HOMER2: variants seen among roughly 807,000 people sequenced by gnomAD.
HOMER2 encodes homer protein homolog 2.
HOMER2 carries 27 observed loss-of-function variants against 47.0 expected under a neutral mutation model. That is an observed-to-expected ratio of 0.57 (90% CI 0.42 to 0.79). The LOEUF (loss-of-function observed/expected upper bound fraction) is 0.79, where lower values mean the gene tolerates loss of function less well. HOMER2 is among the 30% of genes least tolerant of loss of function. The pLI, the probability that HOMER2 is intolerant of heterozygous loss-of-function variation, is 0.00. For synonymous variants in HOMER2, 161 were observed against 163.8 expected (o/e 0.98, Z 0.13); for missense variants, 443 against 435.0 (o/e 1.02, Z -0.16).
intron 1 of HOMER2, among the ~76,000 whole-genome samples, chr15:82,981,214 C>T (rs1005485733): frequency 6.6e-6 from 1 of 152,184 alleles, no homozygotes; most frequent in Non-Finnish European, 1.5e-5. Context: ...ATCAGCTGTG[C>T]CCCTGGATAA....
At chr15:82,860,435 C>A (rs988805583) in intron 4 of HOMER2, among the ~76,000 whole-genome samples, 1 of 151,984 alleles carries the variant, frequency 6.6e-6, no homozygotes, top group African/African-American at 2.4e-5. Context: ...ACTGTTAAAG[C>A]TGACCTATGG....
intron 1 of HOMER2, among the ~76,000 whole-genome samples, chr15:82,938,776 C>T (rs2054196848): frequency 6.6e-6 from 1 of 152,176 alleles, no homozygotes; most frequent in African/African-American, 2.4e-5. Context: ...AGTGCCCTAA[C>T]ACTCCCACTC....
rs147448090 is a variant in HOMER2 at position 82,971,415 on chromosome 15, T to TACAC, written n.83-12111_83-12108dup. Among the ~76,000 whole-genome samples, 519 of 148,406 alleles carry TACAC rather than the reference T, an allele frequency of 3.5e-3. 3 individuals are homozygous for TACAC. The highest frequency in any genetic ancestry group is 0.012 in the African/African-American group (471 of 40,632). The stretch of plus-strand genomic sequence containing the variant: ...AGAGAGAGCAAGAGAGACAGATACA[T>TACAC]ACACACACACACACACACACAGACA... On this transcript the variant is annotated intron_variant and non_coding_transcript_variant, in intron 1 of 1. Transcript: ENST00000500334.
intron 3 of HOMER2, among the ~76,000 whole-genome samples, chr15:82,868,543 T>TATATATA (rs1567023464): frequency 0.083 from 3,043 of 36,626 alleles, 121 homozygotes; most frequent in East Asian, 0.19. Flanking sequence ...ATATATATAT[T>TATATATA]TTTTTTTTTT....
At chr15:82,977,801 T>C (rs2030257896) in intron 1 of HOMER2, among the ~76,000 whole-genome samples, 1 of 152,126 alleles carries the variant, frequency 6.6e-6, no homozygotes, top group South Asian at 2.1e-4. Context: ...AGTCTTTATA[T>C]ATGGTTGAAT....
rs1337389433 is a variant in HOMER2, at chr15:82,952,522, C to T, written c.5+9G>A. 8.4e-7 allele frequency: 1 copy of T among 1,188,556 alleles called. No individual in the cohort carries two copies. Among genetic ancestry groups the T allele is most frequent in the Non-Finnish European group, 1.0e-6 (1 of 959,696 alleles). 73.6% of individuals were successfully genotyped at this position (1,188,556 alleles called of 1,614,324 possible). On this transcript the variant is annotated intron_variant, in intron 1 of 8. Transcript: ENST00000450735. ...GCGCGCGGAGAGCGCGCGGCGCGGG[C>T]TCACTCACCCCATCTCCGGCGCTGC...
At chr15:82,905,873 G>A (rs1567045604) in intron 1 of HOMER2, among the ~76,000 whole-genome samples, 1 of 152,178 alleles carries the variant, frequency 6.6e-6, no homozygotes. Flanking sequence ...CATAAAAAAA[G>A]AGCATCAGAG....
chr15:82,872,611 C>A (rs112762880), intron 3 of HOMER2, among the ~76,000 whole-genome samples: 2 of 152,204 alleles, frequency 1.3e-5, no homozygotes, highest in African/African-American at 4.8e-5. Flanking sequence ...ACCTTAGCAG[C>A]CTTACCCACC....
In HOMER2 at chr15:82,854,697, A is replaced by G. The variant is rs765272397; in HGVS notation, c.598T>C (p.Trp200Arg). 9 of 1,613,082 alleles carry G rather than the reference A, an allele frequency of 5.6e-6. No homozygotes were observed. The highest frequency in any genetic ancestry group is 7.6e-6 in the Non-Finnish European group (9 of 1,179,876). ...LQESAASVEQ[W>R]KRQFSICRDE... ...CGGCAGATGGAGAACTGCCTCTTCC[A>G]CTGCTCCACACTGGCTGCCGACTCC... is the stretch of plus-strand genomic sequence containing the variant. Residue 200 changes from tryptophan to arginine, a missense_variant, in exon 6 of 9, where the codon TGG becomes CGG. Physicochemically the swap from Trp to Arg is moderately radical, Grantham distance 101. Transcript: ENST00000450735.
chr15:82,933,979 A>G (rs2054079157), intron 1 of HOMER2, among the ~76,000 whole-genome samples: 1 of 152,036 alleles, frequency 6.6e-6, no homozygotes, highest in Admixed American at 6.6e-5. Flanking sequence ...CCCAAATCTG[A>G]GCCGGTCCTT....
At chr15:82,975,798 C>T (rs1181476297) in intron 1 of HOMER2, among the ~76,000 whole-genome samples, 1 of 152,134 alleles carries the variant, frequency 6.6e-6, no homozygotes, top group Admixed American at 6.6e-5. Flanking sequence ...TTTGATAGCA[C>T]AACAGAGTGA....
chr15:82,924,784 C>A (rs1182588558), intron 1 of HOMER2, among the ~76,000 whole-genome samples: 4 of 152,080 alleles, frequency 2.6e-5, no homozygotes, highest in African/African-American at 7.2e-5. Flanking sequence ...CTTGAGAAAT[C>A]GGCATCTATA....
chr15:82,951,937 T>G, intron 1 of HOMER2: 1 of 417,666 alleles, frequency 2.4e-6, no homozygotes, highest in East Asian at 1.6e-4. Context: ...TCAGAAGCAT[T>G]AGTCACTTCG....
At chr15:82,854,223 G>T (rs2051491186) in intron 6 of HOMER2, among the ~76,000 whole-genome samples, 1 of 152,068 alleles carries the variant, frequency 6.6e-6, no homozygotes, top group Admixed American at 6.6e-5. Flanking sequence ...TGGCCAACTT[G>T]GTGAAACCCT....
intron 1 of HOMER2, among the ~76,000 whole-genome samples, chr15:82,984,989 T>C (rs1461886819): frequency 6.6e-6 from 1 of 152,068 alleles, no homozygotes; most frequent in Admixed American, 6.6e-5. Context: ...ATTCCAGAAA[T>C]ATGATGGACT....
chr15:82,910,635 A>C (rs2053425547), intron 1 of HOMER2, among the ~76,000 whole-genome samples: 1 of 152,196 alleles, frequency 6.6e-6, no homozygotes, highest in Admixed American at 6.5e-5. Flanking sequence ...TGCCTGCTTT[A>C]GATAATAGGG....
upstream of HOMER2, among the ~76,000 whole-genome samples, chr15:82,953,041 C>G (rs950878374): frequency 6.6e-6 from 1 of 152,202 alleles, no homozygotes; most frequent in East Asian, 1.9e-4. Context: ...GACTTTAGGG[C>G]TACCTTTACT....
chr15:82,913,255 G>A lies in HOMER2; in HGVS notation c.6-20414C>T, dbSNP rs1035603277. On this transcript the variant is annotated intron_variant, in intron 1 of 8. Transcript: ENST00000450735. This position sits in a 1 kb window ranked among gnomAD's most constrained non-coding sequence, Gnocchi z 4.1. ...TGCCCTGGAGAGGGTGGTTATGGCA[G>A]CCACCAGTGCCCAAGGAGAACATCC... 2.0e-5 allele frequency among the ~76,000 whole-genome samples: 3 copies of A among 152,086 alleles called. No homozygotes were observed. The highest frequency in any genetic ancestry group is 7.2e-5 in the African/African-American group (3 of 41,406).
intron 1 of HOMER2, among the ~76,000 whole-genome samples, chr15:82,945,097 C>A (rs758330349): frequency 6.6e-6 from 1 of 152,006 alleles, no homozygotes; most frequent in African/African-American, 2.4e-5. Flanking sequence ...CGTGACTCAC[C>A]CAAATGACAC....
Sources: allele counts gnomAD v4.1 joint callset (sites outside exome capture counted in the v4.1 genomes callset), GRCh38; gene constraint gnomAD v4.1.1; non-coding constraint Gnocchi (gnomAD v3.1); transcripts MANE v1.5; gene names NCBI Gene and HGNC (gene_info 2026-07-23, HGNC 2026-07-21).